The following TMEM132B variants were observed in gnomAD, a reference collection of about 807,000 sequenced individuals.
TMEM132B encodes transmembrane protein 132B.
Under a neutral mutation model 90.8 loss-of-function variants are expected in TMEM132B, and 18 were observed. The observed-to-expected ratio is 0.20, with a 90% confidence interval of 0.14 to 0.29. TMEM132B has a LOEUF of 0.29. TMEM132B is among the 10% of genes least tolerant of loss of function. The probability of loss-of-function intolerance (pLI) is 1.00; values close to 1 mark genes in which losing one functional copy is unlikely to be tolerated. For synonymous variants in TMEM132B, 504 were observed against 523.3 expected (o/e 0.96, Z 0.50); for missense variants, 1,096 against 1,326.8 (o/e 0.83, Z 2.70).
intron 5 of TMEM132B, among the ~76,000 whole-genome samples, chr12:125,624,366 T>G (rs1886179530): frequency 6.6e-6 from 1 of 152,156 alleles, no homozygotes; most frequent in Non-Finnish European, 1.5e-5. Flanking sequence ...TCTCATTTAC[T>G]CTGCACCATT....
At chr12:125,560,658 T>TAA (rs1274048546) in intron 4 of TMEM132B, among the ~76,000 whole-genome samples, 1 of 149,328 alleles carries the variant, frequency 6.7e-6, no homozygotes. Flanking sequence ...CCGTCTCTAC[T>TAA]AAAAAAAATA....
At chr12:125,650,311 C>G (rs1045039552) in intron 6 of TMEM132B, among the ~76,000 whole-genome samples, 4 of 152,058 alleles carry the variant, frequency 2.6e-5, no homozygotes, top group African/African-American at 9.7e-5. Flanking sequence ...GCATGAGGTC[C>G]AATGGGAGGG....
chr12:125,534,095 G>T (rs1883727201), intron 4 of TMEM132B, among the ~76,000 whole-genome samples: 1 of 152,128 alleles, frequency 6.6e-6, no homozygotes, highest in Non-Finnish European at 1.5e-5. Flanking sequence ...TCTGTGTGCT[G>T]GGTTTTTTCT....
chr12:125,590,269 C>G (rs550615150), intron 5 of TMEM132B, among the ~76,000 whole-genome samples: 2 of 152,188 alleles, frequency 1.3e-5, no homozygotes, highest in Non-Finnish European at 2.9e-5. Flanking sequence ...ACATTCATAT[C>G]CATGAATGTT....
At chr12:125,531,747 C>T (rs546988718) in intron 4 of TMEM132B, among the ~76,000 whole-genome samples, 3 of 152,256 alleles carry the variant, frequency 2.0e-5, no homozygotes, top group Non-Finnish European at 4.4e-5. Context: ...CCTACCCTCT[C>T]ACAGCTGAAA....
chr12:125,400,879 T>C (rs1321211789), intron 2 of TMEM132B, among the ~76,000 whole-genome samples: 1 of 152,198 alleles, frequency 6.6e-6, no homozygotes, highest in Non-Finnish European at 1.5e-5. Context: ...GTCTGAGGTG[T>C]GTCCCAAACA....
chr12:125,578,921 ATC>A (rs1566079448), intron 4 of TMEM132B, among the ~76,000 whole-genome samples: 1 of 152,136 alleles, frequency 6.6e-6, no homozygotes, highest in Non-Finnish European at 1.5e-5. Context: ...CTAGGTGCGG[ATC>A]TCTCTGAGTT....
intron 4 of TMEM132B, among the ~76,000 whole-genome samples, chr12:125,527,632 C>T (rs1375571608): frequency 2.7e-5 from 4 of 148,814 alleles, no homozygotes; most frequent in East Asian, 2.1e-4. Context: ...ACCCATCCAC[C>T]CTTCCATCCA....
chr12:125,641,233 T>G (rs1001531264), intron 5 of TMEM132B, among the ~76,000 whole-genome samples: 6 of 152,146 alleles, frequency 3.9e-5, no homozygotes, highest in Admixed American at 6.5e-5. Context: ...GGTTCAAAAT[T>G]TTCCCCTCTC....
intron 1 of TMEM132B, among the ~76,000 whole-genome samples, chr12:125,307,445 GT>G (rs1876000999): frequency 6.6e-6 from 1 of 152,106 alleles, no homozygotes; most frequent in African/African-American, 2.4e-5. Context: ...GATCCTTCCT[GT>G]AAAATAGGAA....
intron 4 of TMEM132B, among the ~76,000 whole-genome samples, chr12:125,557,954 G>A (rs1350826218): frequency 2.0e-5 from 3 of 152,162 alleles, no homozygotes; most frequent in Non-Finnish European, 4.4e-5. Context: ...ACTGATAAAA[G>A]GCCCTCCTGT....
chr12:125,509,036 G>A (rs1274334499), intron 3 of TMEM132B, among the ~76,000 whole-genome samples: 3 of 151,856 alleles, frequency 2.0e-5, no homozygotes, highest in Non-Finnish European at 2.9e-5. Flanking sequence ...CTCCCGCCTC[G>A]GCCTCTCAAC....
chr12:125,288,498 A>G (rs909423831), intron 1 of TMEM132B, among the ~76,000 whole-genome samples: 2 of 149,454 alleles, frequency 1.3e-5, no homozygotes, highest in Admixed American at 6.6e-5. Flanking sequence ...CTAGCTTTGC[A>G]GCAGGGATGG....
At chr12:125,241,644 G>A (rs1259595865) in intron 1 of TMEM132B, among the ~76,000 whole-genome samples, 1 of 152,128 alleles carries the variant, frequency 6.6e-6, no homozygotes, top group Admixed American at 6.5e-5. Context: ...ACCTTGTTGA[G>A]CCTTCAGAGG....
chr12:125,489,013 A>G (rs1593171103), intron 3 of TMEM132B, among the ~76,000 whole-genome samples: 1 of 152,240 alleles, frequency 6.6e-6, no homozygotes, highest in African/African-American at 2.4e-5. Flanking sequence ...GTAAGTGTAT[A>G]TTTATTTATA....
At chr12:125,234,394 G>A (rs1297396374) in intron 1 of TMEM132B, among the ~76,000 whole-genome samples, 1 of 152,136 alleles carries the variant, frequency 6.6e-6, no homozygotes, top group African/African-American at 2.4e-5. Context: ...GAGAAGGTGA[G>A]GTTTTCCCCA....
intron 1 of TMEM132B, among the ~76,000 whole-genome samples, chr12:125,243,018 T>TAC (rs1318036541): frequency 7.1e-6 from 1 of 140,588 alleles, no homozygotes; most frequent in African/African-American, 2.7e-5. Context: ...TTCATATATA[T>TAC]ATATATATAT....
intron 1 of TMEM132B, among the ~76,000 whole-genome samples, chr12:125,262,506 A>G (rs970488744): frequency 1.3e-5 from 2 of 152,210 alleles, no homozygotes; most frequent in African/African-American, 4.8e-5. Context: ...GGCTTTTGGA[A>G]TGGTGCTGAT....
chr12:125,321,983 C>A (rs963453902), intron 1 of TMEM132B, among the ~76,000 whole-genome samples: 28 of 152,302 alleles, frequency 1.8e-4, no homozygotes, highest in African/African-American at 6.5e-4. Context: ...AAAGGCACAA[C>A]CTACTGATAA....
Sources: allele counts gnomAD v4.1 joint callset (sites outside exome capture counted in the v4.1 genomes callset), GRCh38; gene constraint gnomAD v4.1.1; transcripts MANE v1.5; gene names NCBI Gene and HGNC (gene_info 2026-07-23, HGNC 2026-07-21).